Variants in SLC25A26 observed in about 807,000 individuals in gnomAD.
The protein encoded by SLC25A26 is solute carrier family 25 member 26.
Under a neutral mutation model 37.8 loss-of-function variants are expected in SLC25A26, and 36 were observed. The observed-to-expected ratio is 0.95, with a 90% CI of 0.73 to 1.26. The LOEUF (loss-of-function observed/expected upper bound fraction) is 1.26. SLC25A26 is among the 50% of genes most tolerant of loss of function. SLC25A26 has a pLI of 0.00. For synonymous variants in SLC25A26, 129 were observed against 122.5 expected (o/e 1.05, Z -0.35); for missense variants, 390 against 331.1 (o/e 1.18, Z -1.38).
At chr3:66,139,682 T>G (rs557295900) in intron 1 of SLC25A26, among the ~76,000 whole-genome samples, 2 of 152,348 alleles carry the variant, frequency 1.3e-5, no homozygotes, top group East Asian at 3.9e-4. Flanking sequence ...GCTGCAGTGT[T>G]ACACATGCAT....
At chr3:66,252,714 A>G (rs1444205059) in intron 3 of SLC25A26, among the ~76,000 whole-genome samples, 6 of 152,196 alleles carry the variant, frequency 3.9e-5, no homozygotes, top group Admixed American at 2.0e-4. Flanking sequence ...AGAATTTCCT[A>G]GTTTTGGGAA....
At chr3:66,306,964 CAT>C (rs1321910635) in intron 5 of SLC25A26, among the ~76,000 whole-genome samples, 4 of 150,330 alleles carry the variant, frequency 2.7e-5, no homozygotes, top group African/African-American at 7.3e-5. Flanking sequence ...CTGCAGTAAA[CAT>C]ATGTGTGTGT....
intron 9 of SLC25A26, chr3:66,371,529 C>G (rs1700343388): frequency 2.3e-6 from 3 of 1,282,364 alleles, no homozygotes; most frequent in African/African-American, 1.5e-5. Context: ...AATGTGACAA[C>G]TCTGAGGGAT....
intron 3 of SLC25A26, among the ~76,000 whole-genome samples, chr3:66,245,637 A>G (rs960296931): frequency 2.0e-5 from 3 of 152,194 alleles, no homozygotes; most frequent in Admixed American, 6.5e-5. Flanking sequence ...TTATATTGTG[A>G]ATTTGTTTTT....
chr3:66,290,306 T>C (rs2074661828), intron 5 of SLC25A26, among the ~76,000 whole-genome samples: 1 of 152,180 alleles, frequency 6.6e-6, no homozygotes, highest in Non-Finnish European at 1.5e-5. Flanking sequence ...TACCGTTTAT[T>C]TGTTTCTCTT....
chr3:66,338,024 T>G (rs550862072), intron 5 of SLC25A26, among the ~76,000 whole-genome samples: 1 of 152,120 alleles, frequency 6.6e-6, no homozygotes, highest in Admixed American at 6.5e-5. Context: ...CCCAGAAAGT[T>G]CTCTCATCTT....
intron 1 of SLC25A26, among the ~76,000 whole-genome samples, chr3:66,163,999 T>C (rs142240207): frequency 0.045 from 6,917 of 152,244 alleles, 450 homozygotes; most frequent in African/African-American, 0.14. Flanking sequence ...GGGAAGCCCC[T>C]ATAGTAAAAA....
At chr3:66,228,740 C>G (rs188873393) in intron 1 of SLC25A26, among the ~76,000 whole-genome samples, 2 of 152,296 alleles carry the variant, frequency 1.3e-5, no homozygotes, top group East Asian at 3.9e-4. Context: ...TTTTTCATAG[C>G]TGAGGTCATA....
At chr3:66,306,726 A>T (rs1006455907) in intron 5 of SLC25A26, among the ~76,000 whole-genome samples, 1 of 150,808 alleles carries the variant, frequency 6.6e-6, no homozygotes, top group Non-Finnish European at 1.5e-5. Context: ...CTCATTGTTC[A>T]CCTCCCACTT....
At chr3:66,339,719 C>T (rs1032026630) in intron 5 of SLC25A26, among the ~76,000 whole-genome samples, 1 of 151,760 alleles carries the variant, frequency 6.6e-6, no homozygotes, top group Non-Finnish European at 1.5e-5. Context: ...TTTTTAAAAT[C>T]TGGTTGTTTT....
intron 1 of SLC25A26, among the ~76,000 whole-genome samples, chr3:66,201,646 CTAGA>C (rs1434206667): frequency 1.3e-5 from 2 of 152,134 alleles, no homozygotes; most frequent in African/African-American, 4.8e-5. Flanking sequence ...GGAACCTTTT[CTAGA>C]TAGATAGACT....
chr3:66,197,134 T>C (rs942962867), intron 1 of SLC25A26, among the ~76,000 whole-genome samples: 1 of 152,184 alleles, frequency 6.6e-6, no homozygotes, highest in Non-Finnish European at 1.5e-5. Context: ...TTGAGAGTAA[T>C]GTGTAAGAAG....
chr3:66,337,728 AT>A (rs1461187468), intron 5 of SLC25A26, among the ~76,000 whole-genome samples: 1 of 152,014 alleles, frequency 6.6e-6, no homozygotes, highest in African/African-American at 2.4e-5. Flanking sequence ...ACATACACTT[AT>A]TTTTTATTAT....
chr3:66,260,066 T>G (rs543165104), intron 3 of SLC25A26, among the ~76,000 whole-genome samples: 1 of 152,286 alleles, frequency 6.6e-6, no homozygotes, highest in African/African-American at 2.4e-5. Flanking sequence ...CCTTTCCACC[T>G]TTCTTGCCAG....
At chr3:66,194,923 G>A (rs1576631197) in intron 1 of SLC25A26, among the ~76,000 whole-genome samples, 1 of 152,170 alleles carries the variant, frequency 6.6e-6, no homozygotes, top group East Asian at 1.9e-4. Flanking sequence ...AAAGGAACGG[G>A]TGGTTGGACC....
intron 1 of SLC25A26, among the ~76,000 whole-genome samples, chr3:66,159,445 A>C (rs1032250293): frequency 1.3e-5 from 2 of 152,142 alleles, no homozygotes; most frequent in African/African-American, 4.8e-5. Flanking sequence ...TGTTGAGTTT[A>C]TGGTCTCTTG....
At chr3:66,354,508 C>T (rs1053016767) in intron 6 of SLC25A26, among the ~76,000 whole-genome samples, 8 of 152,092 alleles carry the variant, frequency 5.3e-5, no homozygotes, top group African/African-American at 1.9e-4. Context: ...GTATTTTAAA[C>T]GTGCAGTACT....
At position 66,253,155 on chromosome 3, in the gene SLC25A26, C is replaced by A. The variant is rs147202677; in HGVS notation, c.301-8896C>A. 2.7e-3 allele frequency among the ~76,000 whole-genome samples: 416 copies of A among 151,586 alleles called. 2 individuals are homozygous for A. The highest frequency in any genetic ancestry group is 9.2e-3 in the African/African-American group (381 of 41,326). ...GGGCGCAGTGGCTCATGCCTGTAAT[C>A]CCAGCACTTTGGGAGGCTAAGGCGG... On this transcript the variant is annotated intron_variant, in intron 3 of 9. Coordinates refer to ENST00000354883, the MANE Select transcript of SLC25A26 (RefSeq NM_001379210.1).
At chr3:66,327,341 T>A (rs2107666503) in intron 5 of SLC25A26, among the ~76,000 whole-genome samples, 1 of 152,352 alleles carries the variant, frequency 6.6e-6, no homozygotes, top group South Asian at 2.1e-4. Flanking sequence ...AACCTAAGAT[T>A]TCTGTGGTTT....
Sources: allele counts gnomAD v4.1 joint callset (sites outside exome capture counted in the v4.1 genomes callset), GRCh38; gene constraint gnomAD v4.1.1; transcripts MANE v1.5; gene names NCBI Gene and HGNC (gene_info 2026-07-23, HGNC 2026-07-21).